ATE1: variants seen among roughly 807,000 people sequenced by gnomAD.
ATE1 encodes the protein arginyl-tRNA--protein transferase 1.
In ATE1, 36 loss-of-function variants were observed where a neutral mutation model predicts 70.5. The observed-to-expected ratio is 0.51, with a 90% CI of 0.39 to 0.67. The LOEUF is 0.67. Among genes scored for constraint, ATE1 ranks in the 30% least tolerant of loss-of-function variants. ATE1 has a pLI of 0.00. For missense variants in ATE1, 593 were observed against 629.5 expected (o/e 0.94, Z 0.62); for synonymous variants, 232 against 219.3 (o/e 1.06, Z -0.51).
chr10:121,773,877 T>C (rs1055928166), intron 11 of ATE1, among the ~76,000 whole-genome samples: 2 of 152,178 alleles, frequency 1.3e-5, no homozygotes, highest in African/African-American at 2.4e-5. Context: ...ATCACAATTT[T>C]AAAGCATTAT....
At chr10:121,859,451 T>G in intron 8 of ATE1, among the ~76,000 whole-genome samples, 1 of 150,100 alleles carries the variant, frequency 6.7e-6, no homozygotes, top group Non-Finnish European at 1.5e-5. Flanking sequence ...AGAGACGGGG[T>G]TTCACCGTTT....
At chr10:121,831,366 ACT>A (rs746324604) in intron 10 of ATE1, among the ~76,000 whole-genome samples, 68 of 152,292 alleles carry the variant, frequency 4.5e-4, no homozygotes, top group Admixed American at 9.2e-4. Flanking sequence ...TTATATTTAC[ACT>A]GTTATTTACA....
At chr10:121,834,068 G>C (rs1463623824) in intron 10 of ATE1, among the ~76,000 whole-genome samples, 1 of 152,200 alleles carries the variant, frequency 6.6e-6, no homozygotes, top group Non-Finnish European at 1.5e-5. Context: ...AGGCTAGGCA[G>C]TGCTACACTA....
intron 5 of ATE1, among the ~76,000 whole-genome samples, chr10:121,906,226 T>C (rs1951184110): frequency 6.6e-6 from 1 of 152,014 alleles, no homozygotes; most frequent in South Asian, 2.1e-4. Context: ...AGACCTCATC[T>C]CTACAAATCA....
intron 10 of ATE1, among the ~76,000 whole-genome samples, chr10:121,793,444 C>CTT (rs1946533783): frequency 6.6e-6 from 1 of 152,138 alleles, no homozygotes; most frequent in South Asian, 2.1e-4. Context: ...TGTCAAATGA[C>CTT]TTTCCACAGA....
chr10:121,856,037 T>C (rs929883182), intron 8 of ATE1, among the ~76,000 whole-genome samples: 19 of 144,438 alleles, frequency 1.3e-4, no homozygotes, highest in Admixed American at 3.5e-4. Flanking sequence ...GATCACACCA[T>C]TGCACTCCAA....
intron 3 of ATE1, among the ~76,000 whole-genome samples, chr10:121,918,821 G>C (rs538832199): frequency 1.2e-4 from 18 of 151,604 alleles, no homozygotes; most frequent in Non-Finnish European, 2.4e-4. Flanking sequence ...GGGGTGGGGG[G>C]GACGTGAAGA....
intron 4 of ATE1, among the ~76,000 whole-genome samples, chr10:121,913,112 C>T (rs1358418476): frequency 2.0e-5 from 3 of 152,168 alleles, no homozygotes; most frequent in African/African-American, 4.8e-5. Flanking sequence ...ATCTCCTGAC[C>T]TCATGATCCG....
chr10:121,896,771 C>T (rs1950795594), intron 7 of ATE1, among the ~76,000 whole-genome samples: 1 of 133,174 alleles, frequency 7.5e-6, no homozygotes, highest in Admixed American at 8.4e-5. Flanking sequence ...GCTCAGTGAG[C>T]CAAGATCACG....
At chr10:121,922,312 T>A (rs1242810235) in intron 3 of ATE1, 37 bp downstream of exon 3, 2 of 1,377,848 alleles carry the variant, frequency 1.5e-6, no homozygotes, top group South Asian at 1.2e-5. Flanking sequence ...ACAATCTTCA[T>A]ACTATAAATC....
chr10:121,903,118 T>TTGGCCAGACTGGTCTCAAACTCCC (rs1564947044), intron 5 of ATE1, among the ~76,000 whole-genome samples: 4 of 132,188 alleles, frequency 3.0e-5, no homozygotes, highest in Non-Finnish European at 6.8e-5. Flanking sequence ...CTCAAACTCC[T>TTGGCCAGACTGGTCTCAAACTCCC]GACCTCGTGA....
At chr10:121,836,914 G>A (rs1948454601) in intron 9 of ATE1, 97 bp from the exon 10 acceptor site, 2 of 741,822 alleles carry the variant, frequency 2.7e-6, no homozygotes, top group Non-Finnish European at 4.5e-6. Context: ...ATAAAATCTG[G>A]TATTAAGCTA....
At chr10:121,804,117 T>C (rs1374750906) in intron 10 of ATE1, among the ~76,000 whole-genome samples, 1 of 152,224 alleles carries the variant, frequency 6.6e-6, no homozygotes, top group Non-Finnish European at 1.5e-5. Flanking sequence ...TTTCTAAAAA[T>C]GATCAGTCAT....
chr10:121,916,936 G>C (rs1951685485), intron 3 of ATE1, among the ~76,000 whole-genome samples: 1 of 152,172 alleles, frequency 6.6e-6, no homozygotes, highest in African/African-American at 2.4e-5. Context: ...GGCCGAGGTG[G>C]GTGGATCATG....
chr10:121,783,472 C>A (rs1024173677), intron 11 of ATE1, among the ~76,000 whole-genome samples: 57 of 151,788 alleles, frequency 3.8e-4, no homozygotes, highest in Non-Finnish European at 1.6e-4. Flanking sequence ...TTATACACTT[C>A]GACAGCTCAA....
intron 8 of ATE1, among the ~76,000 whole-genome samples, chr10:121,859,478 A>T (rs4752612): frequency 5.3e-5 from 8 of 151,700 alleles, no homozygotes; most frequent in African/African-American, 1.9e-4. Context: ...GGATGGTCTC[A>T]ATCTCCTGAC....
intron 7 of ATE1, among the ~76,000 whole-genome samples, chr10:121,875,327 G>A (rs559310469): frequency 5.0e-5 from 6 of 119,304 alleles, no homozygotes; most frequent in South Asian, 5.5e-4. Flanking sequence ...TTTTTGATAG[G>A]AAGTCTTGCT....
intron 7 of ATE1, among the ~76,000 whole-genome samples, chr10:121,881,830 G>A (rs1186315002): frequency 6.6e-6 from 1 of 152,056 alleles, no homozygotes; most frequent in Non-Finnish European, 1.5e-5. Context: ...GTCTTGCTCT[G>A]TCACCTAGGC....
At chr10:121,850,287 T>A (rs1239178451) in intron 8 of ATE1, among the ~76,000 whole-genome samples, 1 of 152,092 alleles carries the variant, frequency 6.6e-6, no homozygotes, top group Admixed American at 6.6e-5. Flanking sequence ...TACATACAAA[T>A]TATTTAGCCC....
Sources: allele counts gnomAD v4.1 joint callset (sites outside exome capture counted in the v4.1 genomes callset), GRCh38; gene constraint gnomAD v4.1.1; transcripts MANE v1.5; gene names NCBI Gene and HGNC (gene_info 2026-07-23, HGNC 2026-07-21).